NXPE2: variants seen among roughly 807,000 people sequenced by gnomAD.
NXPE2 encodes neurexophilin and PC-esterase domain family member 2.
In NXPE2, 34 loss-of-function variants were observed where a neutral mutation model predicts 34.4. The ratio of observed to expected loss-of-function variants is 0.99; its 90% CI spans 0.75 to 1.31. The LOEUF is 1.31. NXPE2 is among the 40% of genes most tolerant of loss of function. The pLI, the probability that NXPE2 is intolerant of heterozygous loss-of-function variation, is 0.00. For missense variants in NXPE2, 649 were observed against 672.5 expected, an observed-to-expected ratio of 0.97 and a Z score of 0.39; for synonymous variants, 235 against 231.3, an observed-to-expected ratio of 1.02 and a Z score of -0.15.
chr11:114,521,441 T>C, the NXPE2 span, among the ~76,000 whole-genome samples: 1 of 152,212 alleles, frequency 6.6e-6, no homozygotes. Context: ...CATTTGTCTT[T>C]GATTATTTGC....
chr11:114,623,124 G>A, the NXPE2 span, among the ~76,000 whole-genome samples: 1 of 152,088 alleles, frequency 6.6e-6, no homozygotes, highest in Non-Finnish European at 1.5e-5. Context: ...CTGTTACCCG[G>A]TGGATAATAA....
the NXPE2 span, among the ~76,000 whole-genome samples, chr11:114,629,698 G>A: frequency 6.6e-6 from 1 of 151,958 alleles, no homozygotes; most frequent in Non-Finnish European, 1.5e-5. Flanking sequence ...AGGGAATAAA[G>A]GGTATTCAAT....
At chr11:114,710,008 AAAG>A (rs1008546787), downstream of NXPE2, among the ~76,000 whole-genome samples, 6 of 152,212 alleles carry the variant, frequency 3.9e-5, no homozygotes, top group African/African-American at 1.4e-4. Context: ...CCTATGGGTC[AAAG>A]AAGAACACAC....
chr11:114,598,665 C>A, the NXPE2 span, among the ~76,000 whole-genome samples: 3 of 151,640 alleles, frequency 2.0e-5, no homozygotes, highest in Non-Finnish European at 4.4e-5. Flanking sequence ...GTACCTGGGC[C>A]TCTTTGAGCC....
chr11:114,805,357 G>A, the NXPE2 span, among the ~76,000 whole-genome samples: 1 of 152,156 alleles, frequency 6.6e-6, no homozygotes, highest in African/African-American at 2.4e-5. Context: ...AGTGGGTGCA[G>A]CGCACCATGC....
At chr11:114,555,040 C>CT in the NXPE2 span, among the ~76,000 whole-genome samples, 465 of 143,522 alleles carry the variant, frequency 3.2e-3, no homozygotes, top group African/African-American at 9.2e-3. Flanking sequence ...CTTGGGAGTC[C>CT]TTTTTTTTTT....
chr11:114,523,375 C>G, the NXPE2 span, among the ~76,000 whole-genome samples: 1 of 152,144 alleles, frequency 6.6e-6, no homozygotes, highest in Non-Finnish European at 1.5e-5. Context: ...GACGTTCTAT[C>G]CTTTTTTCCT....
chr11:114,628,256 C>T, the NXPE2 span, among the ~76,000 whole-genome samples: 13 of 148,900 alleles, frequency 8.7e-5, no homozygotes, highest in Non-Finnish European at 1.8e-4. Context: ...CCAAAATTGA[C>T]CATATACTTG....
chr11:114,651,189 C>T, the NXPE2 span, among the ~76,000 whole-genome samples: 3 of 152,116 alleles, frequency 2.0e-5, no homozygotes, highest in Non-Finnish European at 4.4e-5. Context: ...TGGACCCTCG[C>T]GGTTGAGTGT....
intron 2 of NXPE2, among the ~76,000 whole-genome samples, chr11:114,680,327 T>G (rs972128940): frequency 2.0e-5 from 3 of 152,150 alleles, no homozygotes; most frequent in Non-Finnish European, 4.4e-5. Flanking sequence ...GTTTAGCCAT[T>G]CGAGGCCCGT....
the NXPE2 span, among the ~76,000 whole-genome samples, chr11:114,500,829 T>C: frequency 1.3e-5 from 2 of 152,188 alleles, no homozygotes; most frequent in Non-Finnish European, 2.9e-5. Context: ...TTATTTTTTC[T>C]CCCATTTGGA....
At chr11:114,656,007 A>G in the NXPE2 span, among the ~76,000 whole-genome samples, 2 of 152,194 alleles carry the variant, frequency 1.3e-5, no homozygotes, top group Non-Finnish European at 2.9e-5. Context: ...TGCAGATGAC[A>G]TGATCTTATA....
chr11:114,559,247 C>G, the NXPE2 span, among the ~76,000 whole-genome samples: 2 of 152,194 alleles, frequency 1.3e-5, no homozygotes, highest in Non-Finnish European at 2.9e-5. Flanking sequence ...CTGCACCAAT[C>G]TAGACTCTAT....
chr11:114,580,994 T>C, the NXPE2 span, among the ~76,000 whole-genome samples: 2 of 152,216 alleles, frequency 1.3e-5, no homozygotes, highest in South Asian at 4.1e-4. Flanking sequence ...TTTAATATTT[T>C]AATAAGTGGG....
chr11:114,549,381 AC>A, the NXPE2 span, among the ~76,000 whole-genome samples: 2 of 152,076 alleles, frequency 1.3e-5, no homozygotes, highest in Non-Finnish European at 2.9e-5. Context: ...ATCCAAATGA[AC>A]ATTACACAAA....
the NXPE2 span, among the ~76,000 whole-genome samples, chr11:114,781,545 G>A: frequency 6.6e-6 from 1 of 152,160 alleles, no homozygotes; most frequent in Non-Finnish European, 1.5e-5. Flanking sequence ...GGAGATAAAA[G>A]GGAAAGGCCA....
chr11:114,722,796 TA>T, the NXPE2 span, among the ~76,000 whole-genome samples: 1 of 152,198 alleles, frequency 6.6e-6, no homozygotes, highest in Non-Finnish European at 1.5e-5. Flanking sequence ...GTACCTCCTA[TA>T]AACATAAATG....
At chr11:114,744,604 G>A in the NXPE2 span, among the ~76,000 whole-genome samples, 2 of 152,088 alleles carry the variant, frequency 1.3e-5, no homozygotes, top group Non-Finnish European at 2.9e-5. Flanking sequence ...GAGTTCAGGA[G>A]TTTGAGACCA....
At chr11:114,741,043 G>A in the NXPE2 span, among the ~76,000 whole-genome samples, 1 of 151,900 alleles carries the variant, frequency 6.6e-6, no homozygotes, top group Non-Finnish European at 1.5e-5. Context: ...CCTTTGTCTG[G>A]GAAAGTCTTT....
Sources: gnomAD v4.1 joint callset for allele counts (sites outside exome capture counted in the v4.1 genomes callset) on GRCh38, gnomAD v4.1.1 for gene constraint, MANE v1.5 for transcripts, NCBI Gene and HGNC (gene_info 2026-07-23, HGNC 2026-07-21) for gene names.